Variants in IPO11 observed in about 807,000 individuals in gnomAD.
The protein encoded by IPO11 is importin-11.
A neutral mutation model predicts 143.2 loss-of-function variants in IPO11; 66 were observed. That is an observed-to-expected ratio of 0.46 (90% CI 0.38 to 0.57). The LOEUF (loss-of-function observed/expected upper bound fraction) is 0.57, where lower values mean the gene tolerates loss of function less well. Among genes scored for constraint, IPO11 ranks in the 20% least tolerant of loss-of-function variants. The pLI is 0.00. For missense variants in IPO11, 1,026 were observed against 1,141.0 expected, an observed-to-expected ratio of 0.90 and a Z score of 1.45; for synonymous variants, 385 against 377.8, an observed-to-expected ratio of 1.02 and a Z score of -0.22.
chr5:62,595,778 T>A (rs1745189975), intron 28 of IPO11, among the ~76,000 whole-genome samples: 1 of 152,134 alleles, frequency 6.6e-6, no homozygotes, highest in Non-Finnish European at 1.5e-5. Context: ...TTTTATTATT[T>A]TTTTAGCTAG....
intron 28 of IPO11, among the ~76,000 whole-genome samples, chr5:62,593,430 C>A (rs966602027): frequency 6.6e-6 from 1 of 152,084 alleles, no homozygotes; most frequent in Non-Finnish European, 1.5e-5. Context: ...AGGCAAATTG[C>A]TTGAGGTCTG....
chr5:62,513,041 CT>C (rs1427640943), intron 19 of IPO11, among the ~76,000 whole-genome samples: 4 of 150,438 alleles, frequency 2.7e-5, no homozygotes, highest in Non-Finnish European at 5.9e-5. Context: ...ACCTTGCCCC[CT>C]TTTCTATTCC....
rs1744938716 is a variant in IPO11, at chr5:62,451,853, A to G, written c.436A>G (p.Arg146Gly). The G allele has an allele frequency of 2.5e-6, 4 of 1,613,986 alleles. No homozygotes were observed. The highest frequency in any genetic ancestry group is 1.3e-5 in the African/African-American group (1 of 74,940). The change falls in exon 5 of 30, where the codon AGA becomes GGA. Residue 146 changes from arginine (R) to glycine (G), a missense_variant. Physicochemically the swap from Arg to Gly is moderately radical, Grantham distance 125. Transcript: ENST00000325324. ...VKVQDDLRQH[R>G]ALLTFYHVTK... ...AGTCCAGGATGATCTTCGACAGCAC[A>G]GAGCATTACTTACCTTCTATCATGT...
At chr5:62,543,026 A>C (rs1014482085) in intron 24 of IPO11, among the ~76,000 whole-genome samples, 1 of 152,228 alleles carries the variant, frequency 6.6e-6, no homozygotes, top group Non-Finnish European at 1.5e-5. Context: ...TAAACATATA[A>C]TGATAGTACT....
At chr5:62,577,585 A>G (rs1744363214) in intron 27 of IPO11, among the ~76,000 whole-genome samples, 2 of 152,084 alleles carry the variant, frequency 1.3e-5, no homozygotes, top group South Asian at 4.1e-4. Flanking sequence ...CCTCAAATTC[A>G]TATCATTTCT....
chr5:62,506,515 CAT>C (rs1366375808), intron 19 of IPO11, among the ~76,000 whole-genome samples, 158 bp downstream of exon 19: 2 of 151,850 alleles, frequency 1.3e-5, no homozygotes, highest in African/African-American at 2.4e-5. Context: ...TCAAAATTGA[CAT>C]ATTCGATTTT....
At chr5:62,505,898 A>G (rs563128750) in intron 18 of IPO11, among the ~76,000 whole-genome samples, 1 of 152,216 alleles carries the variant, frequency 6.6e-6, no homozygotes, top group East Asian at 1.9e-4. Flanking sequence ...CCAGGCATAT[A>G]TGGAAGAACA....
At chr5:62,607,684 A>G (rs1745773404) in intron 29 of IPO11, among the ~76,000 whole-genome samples, 1 of 152,150 alleles carries the variant, frequency 6.6e-6, no homozygotes, top group African/African-American at 2.4e-5. Context: ...ATTGTTGAAA[A>G]TACTTTTTAG....
intron 1 of IPO11, chr5:62,418,928 C>G (rs745677199): frequency 3.4e-5 from 50 of 1,455,798 alleles, no homozygotes; most frequent in Non-Finnish European, 4.6e-5. Flanking sequence ...GATACAGTCA[C>G]GAGTTGCTTA....
intron 27 of IPO11, chr5:62,580,534 A>C (rs1744509961): frequency 8.4e-6 from 13 of 1,551,472 alleles, no homozygotes; most frequent in South Asian, 1.2e-5. Flanking sequence ...ATGTAACTGC[A>C]AACTTTTGGG....
chr5:62,417,771 C>T (rs1006567712), intron 1 of IPO11, among the ~76,000 whole-genome samples: 3 of 152,182 alleles, frequency 2.0e-5, no homozygotes, highest in East Asian at 1.9e-4. Context: ...CTCTCTTCAA[C>T]GCTGACATAT....
At chr5:62,484,808 G>A (rs925595673) in intron 11 of IPO11, among the ~76,000 whole-genome samples, 1 of 150,746 alleles carries the variant, frequency 6.6e-6, no homozygotes, top group African/African-American at 2.4e-5. Flanking sequence ...AAAAGTTTTT[G>A]TAATACTTAT....
At chr5:62,433,928 G>A (rs756932343) in intron 1 of IPO11, among the ~76,000 whole-genome samples, 8 of 152,122 alleles carry the variant, frequency 5.3e-5, no homozygotes, top group Non-Finnish European at 1.2e-4. Context: ...GTGGGATGAG[G>A]ATGAGTTCTG....
intron 1 of IPO11, among the ~76,000 whole-genome samples, chr5:62,421,970 A>G (rs1743530364): frequency 6.6e-6 from 1 of 152,200 alleles, no homozygotes; most frequent in Admixed American, 6.5e-5. Context: ...AGGACTGATG[A>G]TCTCTTACAC....
chr5:62,491,141 T>C (rs1437374078), intron 15 of IPO11, among the ~76,000 whole-genome samples: 1 of 152,226 alleles, frequency 6.6e-6, no homozygotes, highest in Non-Finnish European at 1.5e-5. Context: ...TCAGAATACT[T>C]AGCATATAGT....
chr5:62,485,069 A>G (rs556541960), intron 11 of IPO11, among the ~76,000 whole-genome samples: 1 of 152,308 alleles, frequency 6.6e-6, no homozygotes, highest in Non-Finnish European at 1.5e-5. Flanking sequence ...CTAGTGAAAC[A>G]TGATTACTGT....
At chr5:62,431,972 C>T (rs893144566) in intron 1 of IPO11, among the ~76,000 whole-genome samples, 1 of 149,914 alleles carries the variant, frequency 6.7e-6, no homozygotes, top group Non-Finnish European at 1.5e-5. Flanking sequence ...TACATACATA[C>T]GGCATGCAGA....
chr5:62,547,952 G>A (rs894366004), intron 24 of IPO11, among the ~76,000 whole-genome samples: 11 of 151,636 alleles, frequency 7.3e-5, no homozygotes, highest in African/African-American at 2.7e-4. Context: ...ATTTTTCCTT[G>A]CTCAGAGACA....
chr5:62,610,659 C>A (rs925752875), intron 29 of IPO11, among the ~76,000 whole-genome samples: 1 of 152,152 alleles, frequency 6.6e-6, no homozygotes, highest in Non-Finnish European at 1.5e-5. Context: ...ATCAAATAAT[C>A]AAGTGATAAT....
Sources: gnomAD v4.1 joint callset for allele counts (sites outside exome capture counted in the v4.1 genomes callset) on GRCh38, gnomAD v4.1.1 for gene constraint, MANE v1.5 for transcripts, NCBI Gene and HGNC (gene_info 2026-07-23, HGNC 2026-07-21) for gene names.